ASIC2: variants seen among roughly 807,000 people sequenced by gnomAD.
ASIC2 encodes the protein acid sensing ion channel subunit 2.
ASIC2 carries 25 observed loss-of-function variants against 57.3 expected under a neutral mutation model. The ratio of observed to expected loss-of-function variants is 0.44; its 90% CI spans 0.32 to 0.61. The LOEUF (loss-of-function observed/expected upper bound fraction) is 0.61, where lower values mean the gene tolerates loss of function less well. ASIC2 is among the 20% of genes least tolerant of loss of function. ASIC2 has a pLI of 0.06. For synonymous variants in ASIC2, 319 were observed against 307.5 expected, an observed-to-expected ratio of 1.04 and a Z score of -0.39; for missense variants, 641 against 738.1, an observed-to-expected ratio of 0.87 and a Z score of 1.52.
Position 33,058,478 on chromosome 17 carries a change from A to AAC in ASIC2, c.988-30087_988-30086insGT, listed in dbSNP as rs1404826121. 1.4e-3 allele frequency among the ~76,000 whole-genome samples: 215 copies of AAC among 151,450 alleles called. 1 individual carries two copies. The highest frequency in any genetic ancestry group is 4.7e-3 in the African/African-American group (194 of 41,356). ...TCTCCCTTCTGAGAAGTCAAAAAAA[A>AAC]AAAAAAAAAAAAACAAAACCCAAAA... On this transcript the variant is annotated intron_variant, in intron 3 of 9. Transcript: ENST00000225823.
In ASIC2 at chr17:33,017,828, G is replaced by A. The variant is rs1598235279; in HGVS notation, c.1442-144C>T. On this transcript the variant is annotated intron_variant, in intron 7 of 9. Transcript: ENST00000225823. ...TTGTTGTGGGAGGTCCAGGCCTTTG[G>A]CAGTTCCTTCCCTCACGGCACAGCT... 6 of 691,804 alleles carry A rather than the reference G, an allele frequency of 8.7e-6. No individual in the cohort carries two copies. The South Asian group carries it at 9.5e-5, about 11-fold the overall frequency. The allele number at this position is 691,804 out of a possible 1,614,324, so 42.9% of individuals were successfully genotyped here.
At chr17:33,562,319 T>C (rs1437647190) in intron 1 of ASIC2, among the ~76,000 whole-genome samples, 3 of 152,342 alleles carry the variant, frequency 2.0e-5, no homozygotes, top group East Asian at 3.9e-4. Flanking sequence ...TGTCGCTTTC[T>C]GGTGCCAAGC....
At chr17:33,556,793 A>T (rs1361213203) in intron 1 of ASIC2, among the ~76,000 whole-genome samples, 1 of 152,170 alleles carries the variant, frequency 6.6e-6, no homozygotes, top group Non-Finnish European at 1.5e-5. Context: ...CCCTTTAGTT[A>T]CCTACATAAA....
intron 3 of ASIC2, among the ~76,000 whole-genome samples, chr17:33,082,399 T>C (rs950606110): frequency 3.3e-5 from 5 of 152,146 alleles, no homozygotes; most frequent in African/African-American, 1.2e-4. Flanking sequence ...GCTTCTGATA[T>C]CAAATCATGA....
intron 1 of ASIC2, among the ~76,000 whole-genome samples, chr17:33,282,453 ATGTG>A (rs35692967): frequency 1.1e-4 from 16 of 147,440 alleles, no homozygotes; most frequent in South Asian, 2.2e-4. Flanking sequence ...CTCTGTGTGT[ATGTG>A]TGTGTGTGTG....
intron 1 of ASIC2, among the ~76,000 whole-genome samples, chr17:33,765,002 G>T (rs368498427): frequency 6.6e-6 from 1 of 151,348 alleles, no homozygotes; most frequent in African/African-American, 2.5e-5. Context: ...TCCAGCACCC[G>T]TGTCAGCACC....
At chr17:33,791,679 A>T (rs920243643) in intron 1 of ASIC2, among the ~76,000 whole-genome samples, 2 of 152,134 alleles carry the variant, frequency 1.3e-5, no homozygotes, top group Non-Finnish European at 2.9e-5. Flanking sequence ...TGGCAAAGAA[A>T]GCATGGTGGC....
intron 1 of ASIC2, among the ~76,000 whole-genome samples, chr17:33,732,550 T>C (rs1364832908): frequency 6.6e-6 from 1 of 151,544 alleles, no homozygotes; most frequent in Non-Finnish European, 1.5e-5. Context: ...TATCGCTGGA[T>C]TGCTGTGGTG....
intron 1 of ASIC2, among the ~76,000 whole-genome samples, chr17:33,872,736 T>A (rs1030082071): frequency 6.6e-6 from 1 of 152,152 alleles, no homozygotes; most frequent in Non-Finnish European, 1.5e-5. Flanking sequence ...AGCTACATGC[T>A]GATAAGGAGG....
At chr17:33,257,990 G>A (rs1909140371) in intron 1 of ASIC2, among the ~76,000 whole-genome samples, 1 of 152,180 alleles carries the variant, frequency 6.6e-6, no homozygotes, top group Non-Finnish European at 1.5e-5. Flanking sequence ...TGTGTGCAAG[G>A]TGCTTAAATC....
At chr17:33,753,401 A>G (rs1910495135) in intron 1 of ASIC2, among the ~76,000 whole-genome samples, 1 of 152,254 alleles carries the variant, frequency 6.6e-6, no homozygotes, top group Non-Finnish European at 1.5e-5. Flanking sequence ...ACACGTCATC[A>G]TACATTTGTC....
chr17:33,583,739 T>C (rs1270624233), intron 1 of ASIC2, among the ~76,000 whole-genome samples: 1 of 152,182 alleles, frequency 6.6e-6, no homozygotes, highest in Non-Finnish European at 1.5e-5. Context: ...GCACCGAACA[T>C]ACCAATGTTC....
chr17:33,279,874 A>T (rs1497367), intron 1 of ASIC2, among the ~76,000 whole-genome samples: 13,401 of 152,186 alleles, frequency 0.088, 764 homozygotes, highest in South Asian at 0.23. Context: ...GTATAGCCCC[A>T]GAGTGTTGTC....
chr17:33,883,989 C>G (rs1429297446), intron 1 of ASIC2, among the ~76,000 whole-genome samples: 1 of 152,226 alleles, frequency 6.6e-6, no homozygotes, highest in Non-Finnish European at 1.5e-5. Flanking sequence ...TTCAGGGAGT[C>G]TGGCTCCAGA....
At chr17:33,648,130 C>A (rs1906803632) in intron 1 of ASIC2, among the ~76,000 whole-genome samples, 1 of 152,182 alleles carries the variant, frequency 6.6e-6, no homozygotes, top group South Asian at 2.1e-4. Flanking sequence ...GTAGTATTAT[C>A]AAGATGAACA....
chr17:33,425,812 C>G (rs1333628259), intron 1 of ASIC2, among the ~76,000 whole-genome samples: 1 of 152,144 alleles, frequency 6.6e-6, no homozygotes. Context: ...GAGACATTCA[C>G]TGACAGATTC....
At chr17:33,752,805 C>T (rs1470215995) in intron 1 of ASIC2, among the ~76,000 whole-genome samples, 5 of 152,204 alleles carry the variant, frequency 3.3e-5, no homozygotes, top group South Asian at 4.1e-4. Flanking sequence ...TCACCAGATG[C>T]TGGTGAGGAG....
intron 1 of ASIC2, among the ~76,000 whole-genome samples, chr17:34,021,050 C>A (rs541151389): frequency 7.9e-5 from 12 of 152,188 alleles, no homozygotes; most frequent in African/African-American, 2.7e-4. Context: ...AAGACTACTG[C>A]CATCATAAGA....
At chr17:33,152,622 T>G (rs970498522) in intron 1 of ASIC2, among the ~76,000 whole-genome samples, 3 of 152,152 alleles carry the variant, frequency 2.0e-5, no homozygotes, top group African/African-American at 7.2e-5. Flanking sequence ...GGCTGGCACA[T>G]GGAACATGGA....
Sources: allele counts gnomAD v4.1 joint callset (sites outside exome capture counted in the v4.1 genomes callset), GRCh38; gene constraint gnomAD v4.1.1; transcripts MANE v1.5; gene names NCBI Gene and HGNC (gene_info 2026-07-23, HGNC 2026-07-21).